LDHC: variants seen among roughly 807,000 people sequenced by gnomAD.
LDHC encodes L-lactate dehydrogenase C chain.
In LDHC, 20 loss-of-function variants were observed where a neutral mutation model predicts 30.2. The observed-to-expected ratio is 0.66, with a 90% CI of 0.47 to 0.96. The LOEUF (loss-of-function observed/expected upper bound fraction) is 0.96, where lower values mean the gene tolerates loss of function less well. LDHC is among the 40% of genes least tolerant of loss of function. The probability of loss-of-function intolerance (pLI) is 0.00; values close to 1 mark genes in which losing one functional copy is unlikely to be tolerated. For missense variants in LDHC, 362 were observed against 394.9 expected, an observed-to-expected ratio of 0.92 and a Z score of 0.71; for synonymous variants, 139 against 132.7, an observed-to-expected ratio of 1.05 and a Z score of -0.32.
chr11:18,418,041 A>T (rs539221090), intron 3 of LDHC, among the ~76,000 whole-genome samples: 2 of 151,940 alleles, frequency 1.3e-5, no homozygotes, highest in East Asian at 3.9e-4. Flanking sequence ...ATATATAATA[A>T]TATAACAAAC....
At chr11:18,423,916 G>A (rs1848112067) in intron 3 of LDHC, among the ~76,000 whole-genome samples, 1 of 152,012 alleles carries the variant, frequency 6.6e-6, no homozygotes, top group African/African-American at 2.4e-5. Context: ...ACACTCAAGT[G>A]GCTTATAAAT....
At chr11:18,437,354 C>A (rs1171793501) in intron 5 of LDHC, among the ~76,000 whole-genome samples, 1 of 152,158 alleles carries the variant, frequency 6.6e-6, no homozygotes, top group Non-Finnish European at 1.5e-5. Flanking sequence ...TTCTAACAAC[C>A]TTATAATTTT....
intron 6 of LDHC, among the ~76,000 whole-genome samples, chr11:18,440,272 C>G (rs868230027): frequency 4.0e-5 from 6 of 151,762 alleles, no homozygotes; most frequent in African/African-American, 9.7e-5. Flanking sequence ...CAAGATCACA[C>G]CAGTGCACTC....
At chr11:18,435,937 A>G (rs994599791) in intron 5 of LDHC, among the ~76,000 whole-genome samples, 2 of 152,210 alleles carry the variant, frequency 1.3e-5, no homozygotes, top group Non-Finnish European at 2.9e-5. Flanking sequence ...TTAGAACTTT[A>G]TACTTTTTAC....
intron 3 of LDHC, among the ~76,000 whole-genome samples, chr11:18,427,631 G>A (rs1332196023): frequency 6.7e-6 from 1 of 150,172 alleles, no homozygotes; most frequent in East Asian, 1.9e-4. Flanking sequence ...TGGAAAATCT[G>A]ACATAAAAAT....
chr11:18,417,470 T>A (rs1423739413), intron 3 of LDHC, among the ~76,000 whole-genome samples: 2 of 152,224 alleles, frequency 1.3e-5, no homozygotes, highest in East Asian at 3.8e-4. Context: ...CATGGTTCAC[T>A]GCAGCCTCGA....
intron 2 of LDHC, among the ~76,000 whole-genome samples, 155 bp downstream of exon 2, chr11:18,412,998 C>T (rs1165811953): frequency 7.7e-6 from 1 of 130,174 alleles, no homozygotes; most frequent in African/African-American, 2.8e-5. Flanking sequence ...TTCCTTCCTT[C>T]CTTCCTTCCT....
chr11:18,439,787 C>A, intron 6 of LDHC, among the ~76,000 whole-genome samples: 1 of 108,348 alleles, frequency 9.2e-6, no homozygotes, highest in Non-Finnish European at 1.7e-5. Flanking sequence ...CCAGCCTGGC[C>A]AACATGGTGA....
At chr11:18,441,402 G>T (rs557788420) in intron 6 of LDHC, among the ~76,000 whole-genome samples, 7 of 151,678 alleles carry the variant, frequency 4.6e-5, no homozygotes, top group Admixed American at 2.0e-4. Context: ...TCCGCCTCCC[G>T]GGTTCAAGCA....
chr11:18,413,753 G>T (rs1401624912), intron 2 of LDHC, among the ~76,000 whole-genome samples: 3 of 152,124 alleles, frequency 2.0e-5, no homozygotes, highest in Non-Finnish European at 2.9e-5. Context: ...GAGCCACCAC[G>T]CCTGGCCTTA....
At chr11:18,420,116 A>AACC (rs1475020564) in intron 3 of LDHC, among the ~76,000 whole-genome samples, 2 of 150,590 alleles carry the variant, frequency 1.3e-5, no homozygotes, top group African/African-American at 2.5e-5. Flanking sequence ...CAACAACAAC[A>AACC]ACCTCTATGG....
At chr11:18,414,488 T>A (rs543733562) in intron 2 of LDHC, among the ~76,000 whole-genome samples, 2 of 152,158 alleles carry the variant, frequency 1.3e-5, no homozygotes, top group Non-Finnish European at 2.9e-5. Context: ...CGACGCATAC[T>A]AAAAGCAGCT....
chr11:18,418,150 G>C (rs1363357133), intron 3 of LDHC, among the ~76,000 whole-genome samples: 1 of 151,274 alleles, frequency 6.6e-6, no homozygotes. Flanking sequence ...TCTCAATGTT[G>C]AATGTGGTGT....
At chr11:18,420,662 AAAAG>A (rs1171956728) in intron 3 of LDHC, among the ~76,000 whole-genome samples, 1 of 151,570 alleles carries the variant, frequency 6.6e-6, no homozygotes, top group Admixed American at 6.6e-5. Flanking sequence ...AAAAAAAAAA[AAAAG>A]GAGAGTGAAT....
chr11:18,441,093 C>T (rs1848456529), intron 6 of LDHC, among the ~76,000 whole-genome samples: 1 of 151,612 alleles, frequency 6.6e-6, no homozygotes, highest in Non-Finnish European at 1.5e-5. Flanking sequence ...CCACTGCATT[C>T]CAACCTGGGC....
chr11:18,424,743 G>C (rs113825789), intron 3 of LDHC, among the ~76,000 whole-genome samples: 23,287 of 152,128 alleles, frequency 0.15, 2,011 homozygotes, highest in African/African-American at 0.23. Flanking sequence ...CATGGTGGCT[G>C]ACGCCTGTAA....
intron 4 of LDHC, among the ~76,000 whole-genome samples, chr11:18,432,242 G>A (rs888464142): frequency 7.9e-5 from 12 of 152,150 alleles, no homozygotes; most frequent in Non-Finnish European, 1.5e-5. Flanking sequence ...TCAGGAGCAG[G>A]TTATTTAATT....
intron 3 of LDHC, among the ~76,000 whole-genome samples, chr11:18,426,174 A>C (rs888397844): frequency 6.6e-6 from 1 of 151,988 alleles, no homozygotes; most frequent in African/African-American, 2.4e-5. Context: ...AGCTCCACAG[A>C]TATTTTAAAT....
At chr11:18,425,035 A>G (rs1318362653) in intron 3 of LDHC, among the ~76,000 whole-genome samples, 1 of 152,164 alleles carries the variant, frequency 6.6e-6, no homozygotes, top group Admixed American at 6.6e-5. Context: ...AACAATTAAT[A>G]TGTAATTTAA....
Sources: gnomAD v4.1 joint callset for allele counts (sites outside exome capture counted in the v4.1 genomes callset) on GRCh38, gnomAD v4.1.1 for gene constraint, MANE v1.5 for transcripts, NCBI Gene and HGNC (gene_info 2026-07-23, HGNC 2026-07-21) for gene names.